Variants in MACROD2 observed in about 807,000 individuals in gnomAD.
MACROD2 encodes the protein mono-ADP ribosylhydrolase 2, also known as ADP-ribose glycohydrolase MACROD2.
MACROD2 carries 36 observed loss-of-function variants against 70.4 expected under a neutral mutation model. That is an observed-to-expected ratio of 0.51 (90% CI 0.39 to 0.68). MACROD2 has a LOEUF of 0.68. MACROD2 is among the 30% of genes least tolerant of loss of function. The pLI, the probability that MACROD2 is intolerant of heterozygous loss-of-function variation, is 0.00. For synonymous variants in MACROD2, 172 were observed against 178.8 expected, an observed-to-expected ratio of 0.96 and a Z score of 0.30; for missense variants, 496 against 538.4, an observed-to-expected ratio of 0.92 and a Z score of 0.78.
At chr20:15,569,808 A>G (rs1478567356) in intron 8 of MACROD2, among the ~76,000 whole-genome samples, 2 of 152,208 alleles carry the variant, frequency 1.3e-5, no homozygotes, top group Admixed American at 6.5e-5. Flanking sequence ...TTCTACTGCA[A>G]ATGACAGGAT....
intron 6 of MACROD2, among the ~76,000 whole-genome samples, chr20:15,296,631 T>C (rs539423720): frequency 6.8e-4 from 104 of 152,276 alleles, no homozygotes; most frequent in South Asian, 1.5e-3. Flanking sequence ...GATGCCAATC[T>C]CCCCCACTGC....
At chr20:14,088,898 G>T (rs1218227740) in intron 3 of MACROD2, among the ~76,000 whole-genome samples, 1 of 152,176 alleles carries the variant, frequency 6.6e-6, no homozygotes, top group Non-Finnish European at 1.5e-5. Context: ...TGGCTCTGGT[G>T]TTTTTTATCT....
intron 5 of MACROD2, among the ~76,000 whole-genome samples, chr20:14,862,863 T>C (rs2073386936): frequency 6.7e-6 from 1 of 148,880 alleles, no homozygotes. Flanking sequence ...ATACCTACTG[T>C]AGTGAGGGAT....
intron 6 of MACROD2, among the ~76,000 whole-genome samples, chr20:15,325,918 G>A (rs1317881639): frequency 6.6e-6 from 1 of 152,068 alleles, no homozygotes. Flanking sequence ...ATCGTAGTTA[G>A]GTTCTTGATG....
In MACROD2 at chr20:15,051,606, TCTC is replaced by T. The variant is rs1278394532; in HGVS notation, c.419-178329_419-178327del. Among the ~76,000 whole-genome samples the T allele has an allele frequency of 2.6e-5, 4 of 152,184 alleles. No homozygotes were observed. The East Asian group carries it at 7.7e-4, about 29-fold the overall frequency. ...GGCCCACTCAGATCATCAAGTATAA[TCTC>T]CTCCACTTCAAGTTAACTGGTTGTA... On this transcript the variant is annotated intron_variant, in intron 5 of 17. Transcript: ENST00000684519.
chr20:15,989,076 G>C (rs546564194), intron 15 of MACROD2, among the ~76,000 whole-genome samples: 10 of 152,150 alleles, frequency 6.6e-5, no homozygotes, highest in African/African-American at 2.4e-4. Flanking sequence ...ATATAGTTAT[G>C]GTGCAAATTT....
At chr20:15,393,919 T>A (rs1039377725) in intron 6 of MACROD2, among the ~76,000 whole-genome samples, 2 of 152,210 alleles carry the variant, frequency 1.3e-5, no homozygotes, top group African/African-American at 4.8e-5. Context: ...CACATATGCA[T>A]GTACCCTTGC....
chr20:15,839,530 T>C (rs77084449), intron 8 of MACROD2, among the ~76,000 whole-genome samples: 3,194 of 152,194 alleles, frequency 0.021, 50 homozygotes, highest in Middle Eastern at 0.065. Flanking sequence ...GATAACTCAT[T>C]AGTCCAGAGG....
At chr20:15,533,111 A>G (rs1487614651) in intron 8 of MACROD2, among the ~76,000 whole-genome samples, 1 of 152,210 alleles carries the variant, frequency 6.6e-6, no homozygotes, top group Non-Finnish European at 1.5e-5. Flanking sequence ...ATGCAAAGCA[A>G]TAATTCAAAA....
At position 15,254,428 on chromosome 20, in the gene MACROD2, G is replaced by A. The variant is rs899948210; in HGVS notation, c.540+24367G>A. Among the ~76,000 whole-genome samples, 8 of 152,214 alleles carry A rather than the reference G, an allele frequency of 5.3e-5. No individual in the cohort carries two copies. The South Asian group carries it at 1.0e-3, about 20-fold the overall frequency. On this transcript the variant is annotated intron_variant, in intron 6 of 17. Transcript: ENST00000684519. Reference sequence around the variant, plus strand: ...TATCATTTGTTGCTTAGCAGCACGGGGGGAAAGAGCAGGACTGTAGCTTGG... The same window carrying A: ...TATCATTTGTTGCTTAGCAGCACGGAGGGAAAGAGCAGGACTGTAGCTTGG...
intron 5 of MACROD2, among the ~76,000 whole-genome samples, chr20:14,836,804 T>A (rs1378726881): frequency 6.6e-6 from 1 of 152,080 alleles, no homozygotes; most frequent in Non-Finnish European, 1.5e-5. Context: ...AATACTTACC[T>A]GAATGAATCA....
At chr20:15,831,469 C>T (rs1403236293) in intron 8 of MACROD2, among the ~76,000 whole-genome samples, 1 of 152,154 alleles carries the variant, frequency 6.6e-6, no homozygotes, top group Admixed American at 6.5e-5. Context: ...TGGCTTGACC[C>T]ATCCATAAAA....
chr20:15,326,601 G>A (rs2423923), intron 6 of MACROD2, among the ~76,000 whole-genome samples: 1 of 151,922 alleles, frequency 6.6e-6, no homozygotes, highest in South Asian at 2.1e-4. Context: ...TGGCTATCAC[G>A]CATCTATCTT....
chr20:14,711,040 G>A (rs1197280072), intron 5 of MACROD2, among the ~76,000 whole-genome samples: 1 of 152,196 alleles, frequency 6.6e-6, no homozygotes, highest in Admixed American at 6.5e-5. Context: ...AAAATTGAGA[G>A]AGAACATGCA....
chr20:14,101,173 C>T (rs1383359493), intron 3 of MACROD2, among the ~76,000 whole-genome samples: 2 of 151,676 alleles, frequency 1.3e-5, no homozygotes, highest in Non-Finnish European at 2.9e-5. Flanking sequence ...CTTCTCTGCC[C>T]TTTTTATTCC....
chr20:14,991,153 C>T (rs964766420), intron 5 of MACROD2, among the ~76,000 whole-genome samples: 1 of 152,140 alleles, frequency 6.6e-6, no homozygotes, highest in African/African-American at 2.4e-5. Context: ...ACACTTTCCA[C>T]CTTTCCTAAT....
At chr20:15,867,483 G>A (rs1221782123) in intron 9 of MACROD2, among the ~76,000 whole-genome samples, 1 of 152,044 alleles carries the variant, frequency 6.6e-6, no homozygotes, top group African/African-American at 2.4e-5. Context: ...ATACACTTTG[G>A]TTGCAAATAA....
intron 5 of MACROD2, among the ~76,000 whole-genome samples, chr20:14,848,178 A>G (rs1038616642): frequency 1.3e-5 from 2 of 152,192 alleles, no homozygotes; most frequent in African/African-American, 2.4e-5. Context: ...AGGTGAAACA[A>G]TGCTTCCCTA....
At chr20:15,918,516 A>G (rs975300055) in intron 10 of MACROD2, among the ~76,000 whole-genome samples, 13 of 152,342 alleles carry the variant, frequency 8.5e-5, no homozygotes, top group South Asian at 2.1e-4. Flanking sequence ...AAGAAAACCT[A>G]TTACAGCCTA....
Sources: allele counts gnomAD v4.1 joint callset (sites outside exome capture counted in the v4.1 genomes callset), GRCh38; gene constraint gnomAD v4.1.1; transcripts MANE v1.5; gene names NCBI Gene and HGNC (gene_info 2026-07-23, HGNC 2026-07-21).